The following ST6GALNAC3 variants were observed in gnomAD, a reference collection of about 807,000 sequenced individuals.
ST6GALNAC3 encodes the protein ST6 N-acetylgalactosaminide alpha-2,6-sialyltransferase 3.
A neutral mutation model predicts 32.7 loss-of-function variants in ST6GALNAC3; 25 were observed. The observed-to-expected ratio is 0.76, with a 90% CI of 0.56 to 1.07. ST6GALNAC3 has a LOEUF of 1.07. Among genes scored for constraint, ST6GALNAC3 ranks in the 50% least tolerant of loss-of-function variants. The pLI is 0.00. For missense variants in ST6GALNAC3, 355 were observed against 382.4 expected (o/e 0.93, Z 0.60); for synonymous variants, 129 against 133.1 (o/e 0.97, Z 0.21).
chr1:76,565,892 T>C (rs529970623), intron 3 of ST6GALNAC3, among the ~76,000 whole-genome samples: 1 of 152,318 alleles, frequency 6.6e-6, no homozygotes, highest in African/African-American at 2.4e-5. Context: ...TAATTCAAAA[T>C]TGTTATCTCT....
At chr1:76,456,183 C>G (rs921794196) in intron 3 of ST6GALNAC3, among the ~76,000 whole-genome samples, 1 of 151,976 alleles carries the variant, frequency 6.6e-6, no homozygotes, top group African/African-American at 2.4e-5. Flanking sequence ...AAAAGAAAAA[C>G]AAAAACAAAA....
At chr1:76,342,293 C>T (rs1006429480) in intron 2 of ST6GALNAC3, among the ~76,000 whole-genome samples, 2 of 152,108 alleles carry the variant, frequency 1.3e-5, no homozygotes, top group African/African-American at 4.8e-5. Flanking sequence ...AAACTGTCTT[C>T]CACAATGGTT....
chr1:76,311,102 C>T (rs1646753597), intron 1 of ST6GALNAC3, among the ~76,000 whole-genome samples: 1 of 151,948 alleles, frequency 6.6e-6, no homozygotes, highest in African/African-American at 2.4e-5. Flanking sequence ...CATCTTTTTC[C>T]ACCTTGTTAT....
chr1:76,497,438 A>G (rs1660922501), intron 3 of ST6GALNAC3, among the ~76,000 whole-genome samples: 1 of 152,196 alleles, frequency 6.6e-6, no homozygotes, highest in Non-Finnish European at 1.5e-5. Context: ...GGGATAAAAT[A>G]AATGGCTTCC....
intron 3 of ST6GALNAC3, among the ~76,000 whole-genome samples, chr1:76,505,717 T>G (rs1365650752): frequency 2.0e-5 from 3 of 152,170 alleles, no homozygotes; most frequent in African/African-American, 7.2e-5. Flanking sequence ...TGCAGTGTTG[T>G]ATCATATATT....
intron 1 of ST6GALNAC3, among the ~76,000 whole-genome samples, chr1:76,156,792 C>A (rs1343442708): frequency 1.3e-5 from 2 of 152,238 alleles, no homozygotes; most frequent in Admixed American, 1.3e-4. Context: ...AGTACAGTGG[C>A]GCGATCTTGG....
At chr1:76,332,167 G>C (rs557359420) in intron 2 of ST6GALNAC3, among the ~76,000 whole-genome samples, 1 of 152,100 alleles carries the variant, frequency 6.6e-6, no homozygotes, top group Non-Finnish European at 1.5e-5. Context: ...AATGACAGTG[G>C]CAGTCCCCCC....
In ST6GALNAC3 at chr1:76,629,923, C is replaced by T. The variant is rs1351246504; in HGVS notation, c.*1117C>T. ...TTCCTTATATTAAACCTGACCAGAGCTTTTTGCCTTCTAGGGATTTATTTT... is the reference window on the plus strand; with the variant it reads ...TTCCTTATATTAAACCTGACCAGAGTTTTTTGCCTTCTAGGGATTTATTTT... On this transcript the variant is annotated 3_prime_UTR_variant, in exon 5 of 5. Coordinates refer to ENST00000328299, the MANE Select transcript of ST6GALNAC3 (RefSeq NM_152996.4). 1 of 984,968 alleles carries T rather than the reference C, an allele frequency of 1.0e-6. No individual in the cohort carries two copies. Among genetic ancestry groups the T allele is most frequent in the Non-Finnish European group, 1.2e-6 (1 of 829,790 alleles). The allele number at this position is 984,968 out of a possible 1,614,324, so 61.0% of individuals were successfully genotyped here. A position where few individuals can be genotyped will look rare whatever the true frequency, so the allele number is the denominator to read the frequency against.
intron 2 of ST6GALNAC3, among the ~76,000 whole-genome samples, chr1:76,399,099 A>G (rs1338476470): frequency 6.6e-6 from 1 of 151,910 alleles, no homozygotes; most frequent in East Asian, 1.9e-4. Context: ...GGAATTTGTT[A>G]TGTATTTTGT....
intron 1 of ST6GALNAC3, among the ~76,000 whole-genome samples, chr1:76,166,976 G>A (rs532540126): frequency 3.1e-4 from 47 of 152,130 alleles, no homozygotes; most frequent in Middle Eastern, 3.4e-3. Flanking sequence ...CCTCTCTTCC[G>A]ATTTTGATGC....
chr1:76,284,485 G>C (rs1659667873), intron 1 of ST6GALNAC3, among the ~76,000 whole-genome samples: 2 of 152,188 alleles, frequency 1.3e-5, no homozygotes, highest in Admixed American at 6.5e-5. Context: ...GGGTATTTTG[G>C]GGTCCAATTA....
At chr1:76,273,964 G>T (rs1296710568) in intron 1 of ST6GALNAC3, among the ~76,000 whole-genome samples, 2 of 152,216 alleles carry the variant, frequency 1.3e-5, no homozygotes, top group East Asian at 3.9e-4. Context: ...TGGCCCACAG[G>T]TGAGAGTCCC....
chr1:76,301,728 T>C (rs1039760993), intron 1 of ST6GALNAC3, among the ~76,000 whole-genome samples: 28 of 151,962 alleles, frequency 1.8e-4, no homozygotes, highest in African/African-American at 6.3e-4. Context: ...GGACAGTGTA[T>C]ATTCCTTAGA....
rs540896436 is a variant in ST6GALNAC3, at chr1:76,148,040, G to A, written c.18+73156G>A. On this transcript the variant is annotated intron_variant, in intron 1 of 4. Coordinates refer to ENST00000328299, the MANE Select transcript of ST6GALNAC3 (RefSeq NM_152996.4). ...CTTTTAAGCTGAAAAAGGATAATGGGGTATTCATGTTTGCCTCTTACATCA... is the reference window on the plus strand; with the variant it reads ...CTTTTAAGCTGAAAAAGGATAATGGAGTATTCATGTTTGCCTCTTACATCA... Among the ~76,000 whole-genome samples the A allele has an allele frequency of 8.5e-5, 13 of 152,138 alleles. No homozygotes were observed. In the South Asian group the frequency reaches 2.5e-3, roughly 29 times the overall value.
intron 3 of ST6GALNAC3, among the ~76,000 whole-genome samples, chr1:76,493,046 T>C (rs1413707476): frequency 1.3e-5 from 2 of 151,788 alleles, no homozygotes; most frequent in African/African-American, 4.8e-5. Context: ...TTTTTTTTTC[T>C]TATTTTAAAG....
intron 2 of ST6GALNAC3, among the ~76,000 whole-genome samples, chr1:76,376,319 G>GTA (rs932131416): frequency 5.3e-5 from 8 of 152,036 alleles, no homozygotes; most frequent in African/African-American, 1.9e-4. Context: ...ATGCCTTTGT[G>GTA]TATTTGCATG....
At chr1:76,169,436 C>T (rs1207000423) in intron 1 of ST6GALNAC3, among the ~76,000 whole-genome samples, 1 of 152,042 alleles carries the variant, frequency 6.6e-6, no homozygotes, top group African/African-American at 2.4e-5. Context: ...TGGGGATGAT[C>T]TTTAGTATTA....
intron 3 of ST6GALNAC3, 21 bp from the exon 4 acceptor site, chr1:76,627,428 ATTG>A: frequency 6.8e-7 from 1 of 1,465,480 alleles, no homozygotes; most frequent in Middle Eastern, 1.7e-4. Context: ...TCTGTTTGTT[ATTG>A]TTTGTTTTCA....
At chr1:76,457,931 A>T (rs1433103667) in intron 3 of ST6GALNAC3, among the ~76,000 whole-genome samples, 1 of 150,912 alleles carries the variant, frequency 6.6e-6, no homozygotes, top group African/African-American at 2.4e-5. Flanking sequence ...AAAAACTACC[A>T]TCAGAGTGAA....
Sources: allele counts gnomAD v4.1 joint callset (sites outside exome capture counted in the v4.1 genomes callset), GRCh38; gene constraint gnomAD v4.1.1; transcripts MANE v1.5; gene names NCBI Gene and HGNC (gene_info 2026-07-23, HGNC 2026-07-21).